The following LMLN variants were observed in gnomAD, a reference collection of about 807,000 sequenced individuals.
LMLN encodes the protein leishmanolysin like peptidase.
A neutral mutation model predicts 92.3 loss-of-function variants in LMLN; 70 were observed. The ratio of observed to expected loss-of-function variants is 0.76; its 90% CI spans 0.63 to 0.92. LMLN has a LOEUF of 0.92. LMLN is among the 40% of genes least tolerant of loss of function. The pLI is 0.00. For missense variants in LMLN, 691 were observed against 814.6 expected, an observed-to-expected ratio of 0.85 and a Z score of 1.85; for synonymous variants, 308 against 296.2, an observed-to-expected ratio of 1.04 and a Z score of -0.41.
At chr3:198,014,733 C>T (rs1289068236) in intron 11 of LMLN, among the ~76,000 whole-genome samples, 3 of 143,280 alleles carry the variant, frequency 2.1e-5, no homozygotes, top group African/African-American at 5.3e-5. Context: ...CTCTTCAGAG[C>T]CCCCTAACTA....
chr3:197,963,201 CT>C (rs59827521), intron 1 of LMLN, among the ~76,000 whole-genome samples: 122 of 143,884 alleles, frequency 8.5e-4, no homozygotes, highest in Admixed American at 1.3e-3. Flanking sequence ...TTTTCTCTCT[CT>C]TTTTTTTTTT....
chr3:198,034,971 G>A (rs1266556308), intron 14 of LMLN, among the ~76,000 whole-genome samples: 1 of 152,196 alleles, frequency 6.6e-6, no homozygotes, highest in Non-Finnish European at 1.5e-5. Flanking sequence ...AGGGTGGGTG[G>A]ATAACTTGAG....
At chr3:198,020,530 C>T (rs80148004) in intron 12 of LMLN, among the ~76,000 whole-genome samples, 9,835 of 152,088 alleles carry the variant, frequency 0.065, 383 homozygotes, top group African/African-American at 0.1. Flanking sequence ...TGGTGGAAAA[C>T]GTGACATCTT....
At chr3:197,960,249 G>C in exon 1 of LMLN, 1 of 1,611,580 alleles carries the variant, frequency 6.2e-7, no homozygotes, top group South Asian at 1.1e-5. Flanking sequence ...CCCGAAGATG[G>C]CGGCCGAATG....
chr3:197,962,118 C>T (rs553842024), intron 1 of LMLN, among the ~76,000 whole-genome samples: 2 of 152,284 alleles, frequency 1.3e-5, no homozygotes, highest in East Asian at 3.9e-4. Flanking sequence ...CAGACGTTCC[C>T]TCCTGTCCTG....
chr3:197,961,700 T>C (rs1464928609), intron 1 of LMLN, among the ~76,000 whole-genome samples: 1 of 152,200 alleles, frequency 6.6e-6, no homozygotes, highest in Non-Finnish European at 1.5e-5. Flanking sequence ...GGAGCTACAG[T>C]GTTCACTGTA....
At chr3:197,963,478 G>A (rs996894963) in intron 1 of LMLN, among the ~76,000 whole-genome samples, 5 of 152,112 alleles carry the variant, frequency 3.3e-5, no homozygotes, top group African/African-American at 4.8e-5. Context: ...GGCATGAGCC[G>A]CCGTGCCCAG....
chr3:197,965,023 A>AG, intron 1 of LMLN, among the ~76,000 whole-genome samples: 2 of 150,108 alleles, frequency 1.3e-5, no homozygotes, highest in Non-Finnish European at 3.0e-5. Flanking sequence ...AAAAAAAAAA[A>AG]AGAAAGAAAG....
At chr3:197,963,966 G>T (rs1392070603) in intron 1 of LMLN, among the ~76,000 whole-genome samples, 1 of 152,038 alleles carries the variant, frequency 6.6e-6, no homozygotes, top group Admixed American at 6.6e-5. Flanking sequence ...GTTTCCCGAG[G>T]GTTTTTATCC....
intron 6 of LMLN, among the ~76,000 whole-genome samples, chr3:197,982,843 A>G (rs916448697): frequency 1.1e-4 from 17 of 152,252 alleles, no homozygotes; most frequent in African/African-American, 3.9e-4. Flanking sequence ...GTTAGCTGCA[A>G]CCTGAACATT....
intron 11 of LMLN, among the ~76,000 whole-genome samples, chr3:198,012,696 G>C (rs939507527): frequency 1.3e-5 from 2 of 150,528 alleles, no homozygotes; most frequent in Admixed American, 6.6e-5. Flanking sequence ...ACCCTTCAGA[G>C]TCCCCTAACT....
At chr3:197,990,749 T>C in intron 9 of LMLN, 73 bp downstream of exon 9, 1 of 704,242 alleles carries the variant, frequency 1.4e-6, no homozygotes, top group South Asian at 1.9e-5. Flanking sequence ...TCTTTACTCA[T>C]CATTATTGTT....
chr3:198,000,945 T>A (rs945147500), intron 11 of LMLN, among the ~76,000 whole-genome samples: 2 of 152,124 alleles, frequency 1.3e-5, no homozygotes, highest in African/African-American at 2.4e-5. Context: ...GTTTTTAGTT[T>A]TTAAAGAGAG....
At chr3:198,035,636 A>C (rs1475653408) in intron 14 of LMLN, among the ~76,000 whole-genome samples, 197 bp from the exon 16 acceptor site, 8 of 152,224 alleles carry the variant, frequency 5.3e-5, no homozygotes, top group African/African-American at 1.7e-4. Flanking sequence ...GTGGGATTAC[A>C]GGTGTGAGCC....
chr3:197,963,745 G>A (rs1272108057), intron 1 of LMLN, among the ~76,000 whole-genome samples: 1 of 152,122 alleles, frequency 6.6e-6, no homozygotes, highest in African/African-American at 2.4e-5. Context: ...AACAATTTTT[G>A]TTGTTGTAGT....
intron 7 of LMLN, among the ~76,000 whole-genome samples, chr3:197,985,390 TAC>T (rs142039210): frequency 0.051 from 7,185 of 142,220 alleles, 262 homozygotes; most frequent in African/African-American, 0.1. Context: ...TTTCATAATG[TAC>T]ACACACACAC....
At chr3:198,003,566 T>C (rs1040323969) in intron 11 of LMLN, among the ~76,000 whole-genome samples, 1 of 152,026 alleles carries the variant, frequency 6.6e-6, no homozygotes, top group Non-Finnish European at 1.5e-5. Context: ...AAATACAGAG[T>C]AAGTTTGATA....
intron 4 of LMLN, 101 bp from the exon 5 acceptor site, chr3:197,976,497 A>G (rs1721385081): frequency 3.4e-6 from 2 of 588,114 alleles, no homozygotes; most frequent in Non-Finnish European, 6.0e-6. Context: ...TAACATTATT[A>G]ATGAAGTAAT....
intron 1 of LMLN, among the ~76,000 whole-genome samples, chr3:197,965,606 T>C (rs1192840309): frequency 6.6e-6 from 1 of 152,172 alleles, no homozygotes; most frequent in Non-Finnish European, 1.5e-5. Flanking sequence ...GATACTTTAC[T>C]TCAGATTTTC....
Sources: gnomAD v4.1 joint callset for allele counts (sites outside exome capture counted in the v4.1 genomes callset) on GRCh38, gnomAD v4.1.1 for gene constraint, MANE v1.5 for transcripts, NCBI Gene and HGNC (gene_info 2026-07-23, HGNC 2026-07-21) for gene names.